The following GPC1 variants were observed in gnomAD, a reference collection of about 807,000 sequenced individuals.
The protein encoded by GPC1 is glypican-1.
A neutral mutation model predicts 51.5 loss-of-function variants in GPC1; 26 were observed. The ratio of observed to expected loss-of-function variants is 0.50; its 90% CI spans 0.37 to 0.70. GPC1 has a LOEUF of 0.70. GPC1 is among the 30% of genes least tolerant of loss of function. The pLI is 0.00. For synonymous variants in GPC1, 380 were observed against 348.3 expected, an observed-to-expected ratio of 1.09 and a Z score of -1.01; for missense variants, 775 against 800.5, an observed-to-expected ratio of 0.97 and a Z score of 0.38.
rs531816060 is a variant in GPC1 at position 240,452,905 on chromosome 2, T to C, written c.167-6125T>C. On this transcript the variant is annotated intron_variant, in intron 1 of 8. Transcript: ENST00000264039. Reference sequence around the variant, plus strand: ...CAGCCCGCCCTCGTCCCCCGCTGGCTTTTCGCCTCCTGCGAGCCCTTCCGC... The same window carrying C: ...CAGCCCGCCCTCGTCCCCCGCTGGCCTTTCGCCTCCTGCGAGCCCTTCCGC... 145 of 273,874 alleles carry C rather than the reference T, an allele frequency of 5.3e-4. 1 individual carries two copies. The highest frequency in any genetic ancestry group is 3.3e-3 in the African/African-American group (140 of 42,518). The allele number at this position is 273,874 out of a possible 1,614,324, so 17.0% of individuals were successfully genotyped here.
chr2:240,448,411 G>C lies in GPC1; in HGVS notation c.167-10619G>C, dbSNP rs1387657005. Among the ~76,000 whole-genome samples, 1 of 151,850 alleles carries C rather than the reference G, an allele frequency of 6.6e-6. No individual in the cohort carries two copies. Among genetic ancestry groups the C allele is most frequent in the Non-Finnish European group, 1.5e-5 (1 of 67,936 alleles). On this transcript the variant is annotated intron_variant, in intron 1 of 8. Transcript: ENST00000264039. The surrounding 1 kb of genome is among the most constrained non-coding windows in gnomAD (Gnocchi z 4.5). Reference sequence around the variant, plus strand: ...CTGCCAGGCAGTCCAGGTGTAGACAGTCCCTGCCAGGCAGTCCGGGTGTAG... The same window carrying C: ...CTGCCAGGCAGTCCAGGTGTAGACACTCCCTGCCAGGCAGTCCGGGTGTAG...
intron 1 of GPC1, chr2:240,453,076 C>T (rs891434459): frequency 3.2e-6 from 1 of 309,690 alleles, no homozygotes; most frequent in Non-Finnish European, 6.3e-6. Context: ...TCTCCCGCAG[C>T]GCCACCGTAC....
chr2:240,437,787 G>A (rs558611381), intron 1 of GPC1, among the ~76,000 whole-genome samples: 1 of 152,310 alleles, frequency 6.6e-6, no homozygotes, highest in African/African-American at 2.4e-5. Flanking sequence ...TTAGCCCCCA[G>A]CCCTTCTTAG....
chr2:240,454,416 C>T (rs985873486), intron 1 of GPC1, among the ~76,000 whole-genome samples: 1 of 152,198 alleles, frequency 6.6e-6, no homozygotes, highest in Admixed American at 6.5e-5. Flanking sequence ...GGTTGGGGTC[C>T]GAGAGCAGAT....
intron 1 of GPC1, chr2:240,450,775 G>C: frequency 2.1e-6 from 1 of 470,342 alleles, no homozygotes; most frequent in Non-Finnish European, 4.4e-6. Context: ...ATTTAGACGT[G>C]TGCCTTTATT....
At position 240,435,879 on chromosome 2, in the gene GPC1, G is replaced by A; in HGVS notation, c.-40G>A. The A allele has an allele frequency of 1.7e-6, 2 of 1,199,014 alleles. No homozygotes were observed. The highest frequency in any genetic ancestry group is 2.1e-6 in the Non-Finnish European group (2 of 960,032). The allele number at this position is 1,199,014 out of a possible 1,614,324, so 74.3% of individuals were successfully genotyped here. A position where few individuals can be genotyped will look rare whatever the true frequency, so the allele number is the denominator to read the frequency against. On this transcript the variant is annotated 5_prime_UTR_variant, in exon 1 of 9. Coordinates refer to ENST00000264039, the MANE Select transcript of GPC1 (RefSeq NM_002081.3). ...CGCAGGACCCGGCCAGGATCCGAGA[G>A]AGGCGCGGGCGGGTGGCCGGGGGCG...
Position 240,465,426 on chromosome 2 carries a change from T to G in GPC1, c.1269-47T>G, listed in dbSNP as rs201992097. 123 of 1,572,668 alleles carry G rather than the reference T, an allele frequency of 7.8e-5. No individual in the cohort carries two copies. The East Asian group carries it at 1.7e-3, about 21-fold the overall frequency. On this transcript the variant is annotated intron_variant, in intron 7 of 8. Coordinates refer to ENST00000264039, the MANE Select transcript of GPC1 (RefSeq NM_002081.3). ...GTGTCCTGCTCAGGTGATGGCCCTT[T>G]GCAGGGGCTGGAGCAGTGACCTGGG...
intron 2 of GPC1, among the ~76,000 whole-genome samples, chr2:240,459,946 G>T (rs756355553): frequency 6.6e-6 from 1 of 152,154 alleles, no homozygotes; most frequent in South Asian, 2.1e-4. Flanking sequence ...CGGAGCCAGG[G>T]CGCCGGGACA....
At chr2:240,458,896 AC>A in intron 1 of GPC1, 133 bp from the exon 2 acceptor site, 2 of 717,544 alleles carry the variant, frequency 2.8e-6, no homozygotes, top group Non-Finnish European at 4.6e-6. Flanking sequence ...CACCCAGGGC[AC>A]CCCCCAGGCT....
chr2:240,447,332 CG>C (rs1482599354), intron 1 of GPC1, among the ~76,000 whole-genome samples: 1 of 152,206 alleles, frequency 6.6e-6, no homozygotes, highest in African/African-American at 2.4e-5. Flanking sequence ...GTACTCCCTC[CG>C]GGGCCTCTGT....
rs1285597576 is a variant in GPC1 at position 240,462,339 on chromosome 2, C to G, written c.474C>G (p.His158Gln). The change falls in exon 3 of 9, where the codon CAC becomes CAG. Residue 158 changes from histidine (H) to glutamine (Q), a missense_variant. His to Gln is a conservative substitution (Grantham distance 24). Coordinates refer to ENST00000264039, the MANE Select transcript of GPC1 (RefSeq NM_002081.3). ...TGTACTACCGCGGTGCCAACCTGCA[C>G]CTGGAGGAGACGCTGGCCGAGTTCT... The part of the protein sequence containing the change: ...LRLYYRGANL[H>Q]LEETLAEFWA... 1.2e-6 allele frequency: 2 copies of G among 1,602,364 alleles called. No homozygotes were observed. The highest frequency in any genetic ancestry group is 1.7e-6 in the Non-Finnish European group (2 of 1,175,312).
intron 1 of GPC1, chr2:240,457,571 A>G (rs761645816): frequency 1.8e-5 from 8 of 438,130 alleles, no homozygotes; most frequent in Admixed American, 4.8e-5. Context: ...GTAAGCGGGT[A>G]GGGCACTGCC....
chr2:240,455,520 C>A (rs907134232), intron 1 of GPC1, among the ~76,000 whole-genome samples: 28 of 152,192 alleles, frequency 1.8e-4, no homozygotes, highest in Non-Finnish European at 3.8e-4. Context: ...GAAAATGCCT[C>A]CCTCTGGGTT....
chr2:240,450,786 C>T (rs2074092003), intron 1 of GPC1: 2 of 470,178 alleles, frequency 4.3e-6, no homozygotes, highest in African/African-American at 2.0e-5. Context: ...TGCCTTTATT[C>T]AGTACCAGGG....
intron 1 of GPC1, among the ~76,000 whole-genome samples, chr2:240,442,828 G>A (rs1050168021): frequency 1.1e-4 from 16 of 152,206 alleles, no homozygotes; most frequent in Admixed American, 3.3e-4. Flanking sequence ...TGAGCACTGG[G>A]CCGTGTTTCT....
intron 1 of GPC1, chr2:240,450,013 G>A: frequency 4.7e-6 from 2 of 427,186 alleles, no homozygotes; most frequent in South Asian, 1.7e-5. Context: ...GAGCATGGGT[G>A]TATGAGGAGC....
chr2:240,449,613 C>T, intron 1 of GPC1: 1 of 291,698 alleles, frequency 3.4e-6, no homozygotes, highest in Non-Finnish European at 6.9e-6. Context: ...GCGTTCAGTC[C>T]ATTCATGCTG....
At chr2:240,457,311 C>G (rs540207846) in intron 1 of GPC1, 4 of 424,496 alleles carry the variant, frequency 9.4e-6, no homozygotes, top group Non-Finnish European at 2.1e-5. Context: ...GCTGTCATGT[C>G]AGCAGGCACA....
At chr2:240,437,644 G>A (rs529377664) in intron 1 of GPC1, among the ~76,000 whole-genome samples, 1 of 152,170 alleles carries the variant, frequency 6.6e-6, no homozygotes, top group East Asian at 1.9e-4. Context: ...TTCGTTCTCT[G>A]CCCCTCTACT....
Sources: gnomAD v4.1 joint callset for allele counts (sites outside exome capture counted in the v4.1 genomes callset) on GRCh38, gnomAD v4.1.1 for gene constraint, Gnocchi (gnomAD v3.1) non-coding constraint, MANE v1.5 for transcripts, NCBI Gene and HGNC (gene_info 2026-07-23, HGNC 2026-07-21) for gene names.